CAPG: variants seen among roughly 807,000 people sequenced by gnomAD.
CAPG encodes macrophage-capping protein.
A neutral mutation model predicts 44.6 loss-of-function variants in CAPG; 32 were observed. That is an observed-to-expected ratio of 0.72 (90% CI 0.54 to 0.96). The LOEUF (loss-of-function observed/expected upper bound fraction) is 0.96, where lower values mean the gene tolerates loss of function less well. CAPG is among the 50% of genes least tolerant of loss of function. The pLI, the probability that CAPG is intolerant of heterozygous loss-of-function variation, is 0.00. For missense variants in CAPG, 412 were observed against 438.3 expected, an observed-to-expected ratio of 0.94 and a Z score of 0.54; for synonymous variants, 175 against 179.6, an observed-to-expected ratio of 0.97 and a Z score of 0.20.
chr2:85,395,458 C>A lies in CAPG; in HGVS notation c.981+80G>T. On this transcript the variant is annotated intron_variant, in intron 9 of 9. Coordinates refer to ENST00000263867, the MANE Select transcript of CAPG (RefSeq NM_001747.4). This position sits in a 1 kb window ranked among gnomAD's most constrained non-coding sequence, Gnocchi z 4.3. ...CCTGACAGTGCCCAAGGCTCTCCTG[C>A]CCTTCCTGGCCAATTTGAGGGGTCA... The A allele has an allele frequency of 1.7e-6, 2 of 1,165,404 alleles. No homozygotes were observed. Among genetic ancestry groups the A allele is most frequent in the Admixed American group, 1.9e-5 (1 of 52,606 alleles). The allele number at this position is 1,165,404 out of a possible 1,614,324, so 72.2% of individuals were successfully genotyped here.
At chr2:85,408,304 T>C (rs77069566) in intron 1 of CAPG, among the ~76,000 whole-genome samples, 35,851 of 149,098 alleles carry the variant, frequency 0.24, 4,637 homozygotes, top group African/African-American at 0.3. Context: ...ATGGCACTAC[T>C]GCACTCTAGC....
intron 1 of CAPG, chr2:85,408,787 T>C (rs1687288389): frequency 1.3e-5 from 2 of 151,730 alleles, no homozygotes; most frequent in Non-Finnish European, 2.9e-5. Context: ...ATGTCAGCAT[T>C]AGAAAGTGCT....
At position 85,399,300 on chromosome 2, in the gene CAPG, GAA is replaced by G; in HGVS notation, c.517-17_517-16del. The G allele has an allele frequency of 6.2e-7, 1 of 1,613,230 alleles. No homozygotes were observed. Among genetic ancestry groups the G allele is most frequent in the Non-Finnish European group, 8.5e-7 (1 of 1,179,648 alleles). On this transcript the variant is annotated splice_polypyrimidine_tract_variant and intron_variant, in intron 5 of 9. Transcript: ENST00000263867. ...GCGAAGATGTTCTGCAAGGAAGCAG[GAA>G]AGTCCGGGTCAGAGCCAGATGCCTG...
At chr2:85,412,590 T>G (rs1687447733), upstream of CAPG, among the ~76,000 whole-genome samples, 1 of 152,056 alleles carries the variant, frequency 6.6e-6, no homozygotes, top group Non-Finnish European at 1.5e-5. Flanking sequence ...GGAAAATAAC[T>G]AATGGGTACT....
chr2:85,399,429 G>T (rs1008162539), intron 5 of CAPG, 144 bp from the exon 6 acceptor site: 5 of 805,398 alleles, frequency 6.2e-6, no homozygotes, highest in Non-Finnish European at 9.7e-6. Context: ...ACAGCACAGA[G>T]GGCTCTCTGA....
chr2:85,405,652 G>A (rs897298620), intron 1 of CAPG, among the ~76,000 whole-genome samples: 15 of 152,188 alleles, frequency 9.9e-5, no homozygotes, highest in Admixed American at 2.6e-4. Flanking sequence ...GTGAAATGCT[G>A]TGTGAATTAT....
chr2:85,410,117 C>T (rs932561945), intron 1 of CAPG, among the ~76,000 whole-genome samples, 200 bp downstream of exon 1: 1 of 152,244 alleles, frequency 6.6e-6, no homozygotes, highest in Non-Finnish European at 1.5e-5. Context: ...GTGCCTGGAG[C>T]CTGGCATAAG....
At chr2:85,393,876 G>A (rs1331044916), downstream of CAPG, among the ~76,000 whole-genome samples, 1 of 152,218 alleles carries the variant, frequency 6.6e-6, no homozygotes, top group Non-Finnish European at 1.5e-5. Context: ...GGTATCTATG[G>A]TATGGTTCTT....
At chr2:85,419,012 C>T (rs895280625), upstream of CAPG, 2 of 152,514 alleles carry the variant, frequency 1.3e-5, no homozygotes, top group African/African-American at 4.8e-5. Flanking sequence ...CTCCTGAACC[C>T]TTCCTCCATC....
At chr2:85,406,628 G>A (rs1401285831) in intron 1 of CAPG, among the ~76,000 whole-genome samples, 4 of 152,132 alleles carry the variant, frequency 2.6e-5, no homozygotes, top group Non-Finnish European at 5.9e-5. Context: ...GGAGGCCAAG[G>A]CGGGCAGATC....
intron 5 of CAPG, 28 bp from the exon 6 acceptor site, chr2:85,399,313 A>G: frequency 6.2e-7 from 1 of 1,611,324 alleles, no homozygotes; most frequent in Non-Finnish European, 8.5e-7. Flanking sequence ...AGTCCGGGTC[A>G]GAGCCAGATG....
chr2:85,394,084 C>T (rs1393369056), downstream of CAPG, among the ~76,000 whole-genome samples: 1 of 152,230 alleles, frequency 6.6e-6, no homozygotes, highest in Non-Finnish European at 1.5e-5. Flanking sequence ...TGCTCTTGGC[C>T]CCTGGGCATG....
rs771321418 is a variant in CAPG at position 85,401,623 on chromosome 2, G to A, written c.257C>T (p.Thr86Met). ...ACAVLAVHLNTLLGERPVQHR... is the reference protein window; with the variant it reads ...ACAVLAVHLNMLLGERPVQHR... Reference sequence around the variant, plus strand: ...CTGCACAGGCCGCTCTCCCAGCAGCGTGTTGAGGTGCACAGCCAGCACGGC... The same window carrying A: ...CTGCACAGGCCGCTCTCCCAGCAGCATGTTGAGGTGCACAGCCAGCACGGC... Residue 86 changes from threonine (T) to methionine (M), a missense_variant, in exon 4 of 10, where the codon ACG (threonine) becomes ATG (methionine). Physicochemically the swap from Thr to Met is moderately conservative, Grantham distance 81 (BLOSUM62 -1). Transcript: ENST00000263867. 44 of 1,614,070 alleles carry A rather than the reference G, an allele frequency of 2.7e-5. No homozygotes were observed. Among genetic ancestry groups the A allele is most frequent in the Non-Finnish European group, 3.5e-5 (41 of 1,179,958 alleles).
At position 85,398,619 on chromosome 2, in the gene CAPG, G is replaced by A. The variant is rs1686723328; in HGVS notation, c.759+71C>T. On this transcript the variant is annotated intron_variant, in intron 7 of 9. Coordinates refer to ENST00000263867, the MANE Select transcript of CAPG (RefSeq NM_001747.4). The stretch of plus-strand genomic sequence containing the variant: ...CTGCCTTCTCCCCTCCACCCTGCTT[G>A]CATGCAGCTGTGCTGTGCAGGCTCC... 30 of 1,252,296 alleles carry A rather than the reference G, an allele frequency of 2.4e-5. No homozygotes were observed. In the South Asian group the frequency reaches 2.6e-4, roughly 11 times the overall value. 77.6% of individuals were successfully genotyped at this position (1,252,296 alleles called of 1,614,324 possible).
At chr2:85,406,399 G>A (rs1558736401) in intron 1 of CAPG, among the ~76,000 whole-genome samples, 1 of 152,172 alleles carries the variant, frequency 6.6e-6, no homozygotes, top group South Asian at 2.1e-4. Flanking sequence ...CTGTGTGCTT[G>A]TAAAATCCGG....
intron 8 of CAPG, 140 bp downstream of exon 8, chr2:85,397,880 G>A: frequency 2.4e-6 from 2 of 849,166 alleles, no homozygotes; most frequent in South Asian, 1.8e-5. Flanking sequence ...TTTAAAGAGA[G>A]AAAATGGTCA....
chr2:85,393,854 G>A (rs371954134), downstream of CAPG, among the ~76,000 whole-genome samples: 85 of 152,298 alleles, frequency 5.6e-4, no homozygotes, highest in Admixed American at 2.7e-3. Context: ...GTGAACCACC[G>A]CACCCGGCTG....
downstream of CAPG, chr2:85,394,671 C>G (rs1159167916): frequency 1.7e-6 from 1 of 600,958 alleles, no homozygotes; most frequent in African/African-American, 1.9e-5. Context: ...CAATTGTCAT[C>G]TGTGTGCTAC....
chr2:85,404,631 C>A (rs1480362445), intron 1 of CAPG, among the ~76,000 whole-genome samples: 2 of 151,906 alleles, frequency 1.3e-5, no homozygotes, highest in Non-Finnish European at 2.9e-5. Flanking sequence ...GTCTGTAATC[C>A]CAGCTACTTG....
Sources: gnomAD v4.1 joint callset for allele counts (sites outside exome capture counted in the v4.1 genomes callset) on GRCh38, gnomAD v4.1.1 for gene constraint, Gnocchi (gnomAD v3.1) non-coding constraint, MANE v1.5 for transcripts, NCBI Gene and HGNC (gene_info 2026-07-23, HGNC 2026-07-21) for gene names.